Variants in GLS observed in about 807,000 individuals in gnomAD.
The protein encoded by GLS is glutaminase kidney isoform, mitochondrial.
In GLS, 36 loss-of-function variants were observed where a neutral mutation model predicts 86.7. The observed-to-expected ratio is 0.42, with a 90% CI of 0.32 to 0.55. GLS has a LOEUF of 0.55. GLS is among the 20% of genes least tolerant of loss of function. The pLI is 0.17. For missense variants in GLS, 528 were observed against 833.4 expected (o/e 0.63, Z 4.51); for synonymous variants, 317 against 305.9 (o/e 1.04, Z -0.38).
intron 5 of GLS, among the ~76,000 whole-genome samples, chr2:190,903,970 A>C (rs1689043352): frequency 1.3e-5 from 2 of 152,200 alleles, no homozygotes; most frequent in Admixed American, 6.5e-5. Flanking sequence ...TGAAGCTTAC[A>C]TTATAATTGG....
rs570261994 is a variant in GLS at position 190,902,312 on chromosome 2, A to C, written c.815+286A>C. 5.3e-5 allele frequency among the ~76,000 whole-genome samples: 8 copies of C among 152,322 alleles called. No homozygotes were observed. In the East Asian group the frequency reaches 1.2e-3, roughly 22 times the overall value. ...TTTGTTTCAGAAAAGCAGGCTTGTC[A>C]AAACATGACACTATTCTCTAATGAA... On this transcript the variant is annotated intron_variant, in intron 5 of 17. Transcript: ENST00000320717.
intron 3 of GLS, among the ~76,000 whole-genome samples, chr2:190,900,162 T>C (rs1688891356): frequency 1.3e-5 from 2 of 152,198 alleles, no homozygotes; most frequent in Admixed American, 1.3e-4. Flanking sequence ...AACTAAGAGA[T>C]GTATTTCTGA....
chr2:190,933,301 C>T lies in GLS; in HGVS notation c.1650+1664C>T, dbSNP rs144850647. On this transcript the variant is annotated intron_variant, in intron 14 of 17. Coordinates refer to ENST00000320717, the MANE Select transcript of GLS (RefSeq NM_014905.5). Reference sequence around the variant, plus strand: ...ATGTCTTTAGTGGCAATAGAAGGTACTTCTATGCTAAATACAAAACTAAAA... The same window carrying T: ...ATGTCTTTAGTGGCAATAGAAGGTATTTCTATGCTAAATACAAAACTAAAA... The T allele has an allele frequency of 2.8e-5, 26 of 918,066 alleles. No individual in the cohort carries two copies. In the African/African-American group the frequency reaches 4.1e-4, roughly 15 times the overall value. The allele number at this position is 918,066 out of a possible 1,614,324, so 56.9% of individuals were successfully genotyped here. A position where few individuals can be genotyped will look rare whatever the true frequency, so the allele number is the denominator to read the frequency against.
rs1000467489 is a variant in GLS, at chr2:190,953,281, A to G, written c.1651-284A>G. 1.3e-5 allele frequency among the ~76,000 whole-genome samples: 2 copies of G among 152,246 alleles called. No individual in the cohort carries two copies. The highest frequency in any genetic ancestry group is 3.8e-4 in the East Asian group (2 of 5,204). ...AACAATTTTCAGTTGCCCCAACTGT[A>G]TGAGTTTCACAAAATTCCATTCTCT... is the stretch of plus-strand genomic sequence containing the variant. On this transcript the variant is annotated intron_variant, in intron 14 of 17. Transcript: ENST00000320717. The surrounding 1 kb of genome is among the most constrained non-coding windows in gnomAD (Gnocchi z 4.0).
intron 7 of GLS, chr2:190,919,781 A>G: frequency 2.6e-6 from 1 of 377,512 alleles, no homozygotes; most frequent in Non-Finnish European, 3.6e-6. Context: ...ATGTCAAAGG[A>G]TACTTTAGAG....
rs1187360487 is a variant in GLS at position 190,927,352 on chromosome 2, C to T, written c.1295C>T (p.Ala432Val). ...VTCESASVMAATLANGGFCPI... is the reference protein window; with the variant it reads ...VTCESASVMAVTLANGGFCPI... ...TGTGAATCAGCCAGTGTGATGGCTG[C>T]GACACTGGCTAATGGTGGTTTCTGC... Residue 432 changes from alanine to valine, a missense_variant, in exon 12 of 18, where the codon GCG (alanine) becomes GTG (valine). By Grantham distance (64) the Ala-to-Val change is moderately conservative. Coordinates refer to ENST00000320717, the MANE Select transcript of GLS (RefSeq NM_014905.5). 5.0e-6 allele frequency: 8 copies of T among 1,612,966 alleles called. No homozygotes were observed. The highest frequency in any genetic ancestry group is 1.1e-5 in the South Asian group (1 of 91,038).
intron 1 of GLS, among the ~76,000 whole-genome samples, chr2:190,894,598 A>G (rs1411517214): frequency 6.6e-6 from 1 of 152,220 alleles, no homozygotes; most frequent in Non-Finnish European, 1.5e-5. Context: ...GATCACAGAA[A>G]GGTTAATTAA....
At chr2:190,934,230 G>A (rs757087579) in intron 14 of GLS, 1 of 960,234 alleles carries the variant, frequency 1.0e-6, no homozygotes, top group Non-Finnish European at 1.2e-6. Context: ...AGTAAATATA[G>A]TGTAGCAAAA....
chr2:190,934,820 A>G (rs1404424756), intron 14 of GLS: 1 of 968,722 alleles, frequency 1.0e-6, no homozygotes, highest in African/African-American at 1.8e-5. Context: ...TGTGTTTAGA[A>G]AATGTTAAGA....
chr2:190,916,890 T>C (rs1689551720), intron 7 of GLS, among the ~76,000 whole-genome samples: 1 of 152,196 alleles, frequency 6.6e-6, no homozygotes, highest in Non-Finnish European at 1.5e-5. Context: ...AAATATTTTA[T>C]AGGTAAGAAA....
At chr2:190,881,619 T>A in intron 1 of GLS, 149 bp downstream of exon 1, 1 of 743,448 alleles carries the variant, frequency 1.3e-6, no homozygotes, top group Non-Finnish European at 2.1e-6. Context: ...GTCTGCGCCA[T>A]GTGATTAGGC....
intron 9 of GLS, among the ~76,000 whole-genome samples, chr2:190,922,362 A>G (rs552163761): frequency 6.6e-6 from 1 of 152,172 alleles, no homozygotes; most frequent in South Asian, 2.1e-4. Context: ...CCTGCTTCGC[A>G]TTTCAGGGGT....
At chr2:190,885,351 G>A (rs545921059) in intron 1 of GLS, among the ~76,000 whole-genome samples, 11 of 151,890 alleles carry the variant, frequency 7.2e-5, no homozygotes, top group Non-Finnish European at 1.6e-4. Flanking sequence ...GCCACCATGC[G>A]TGGCTAATTT....
Position 190,895,452 on chromosome 2 carries a change from C to A in GLS, c.484-152C>A. Reference sequence around the variant, plus strand: ...AGAAAGAAACAATGAGAAACTTGTCCAGAAAGTGGGTAATAGTGACACTAA... The same window carrying A: ...AGAAAGAAACAATGAGAAACTTGTCAAGAAAGTGGGTAATAGTGACACTAA... On this transcript the variant is annotated intron_variant, in intron 2 of 17. Transcript: ENST00000320717. The surrounding 1 kb of genome is among the most constrained non-coding windows in gnomAD (Gnocchi z 4.2). 3.4e-6 allele frequency: 2 copies of A among 581,140 alleles called. No homozygotes were observed. The highest frequency in any genetic ancestry group is 3.2e-5 in the South Asian group (1 of 30,952). 36.0% of individuals were successfully genotyped at this position (581,140 alleles called of 1,614,324 possible). A position where few individuals can be genotyped will look rare whatever the true frequency, so the allele number is the denominator to read the frequency against.
intron 1 of GLS, among the ~76,000 whole-genome samples, chr2:190,883,951 G>T (rs1255597050): frequency 6.6e-6 from 1 of 152,036 alleles, no homozygotes; most frequent in African/African-American, 2.4e-5. Context: ...TGTCACTTTA[G>T]ACTATGCTGT....
intron 1 of GLS, among the ~76,000 whole-genome samples, chr2:190,884,767 C>T (rs1325953405): frequency 6.6e-6 from 1 of 152,168 alleles, no homozygotes; most frequent in East Asian, 1.9e-4. Context: ...ATAGATAATT[C>T]ATACAGGATG....
chr2:190,882,771 C>T (rs566091529), intron 1 of GLS, among the ~76,000 whole-genome samples: 35 of 152,256 alleles, frequency 2.3e-4, no homozygotes, highest in African/African-American at 7.9e-4. Context: ...AGCGTCCTGA[C>T]CATGGACAGG....
At chr2:190,927,796 T>C (rs1689948339) in intron 12 of GLS, 1 of 172,444 alleles carries the variant, frequency 5.8e-6, no homozygotes. Context: ...ATCTTAAGAA[T>C]TCTCTAAGTT....
At chr2:190,946,367 G>A (rs551707610) in intron 14 of GLS, among the ~76,000 whole-genome samples, 4 of 152,194 alleles carry the variant, frequency 2.6e-5, no homozygotes, top group African/African-American at 9.6e-5. Flanking sequence ...AATTGGATCT[G>A]GAGTCATGAT....
Sources: gnomAD v4.1 joint callset for allele counts (sites outside exome capture counted in the v4.1 genomes callset) on GRCh38, gnomAD v4.1.1 for gene constraint, Gnocchi (gnomAD v3.1) non-coding constraint, MANE v1.5 for transcripts, NCBI Gene and HGNC (gene_info 2026-07-23, HGNC 2026-07-21) for gene names.